Variants in CEP112 observed in about 807,000 individuals in gnomAD.
CEP112 encodes centrosomal protein 112, also known as centrosomal protein of 112 kDa.
In CEP112, 127 loss-of-function variants were observed where a neutral mutation model predicts 153.0. That is an observed-to-expected ratio of 0.83 (90% confidence interval 0.72 to 0.96). The LOEUF is 0.96. CEP112 is among the 40% of genes least tolerant of loss of function. CEP112 has a pLI of 0.00. For missense variants in CEP112, 1,089 were observed against 1,101.2 expected (o/e 0.99, Z 0.16); for synonymous variants, 358 against 374.4 (o/e 0.96, Z 0.51).
intron 21 of CEP112, among the ~76,000 whole-genome samples, chr17:65,835,325 A>G (rs181100487): frequency 6.6e-6 from 1 of 152,306 alleles, no homozygotes; most frequent in South Asian, 2.1e-4. Context: ...TCAAATCCCA[A>G]GAAAAATTAT....
chr17:65,963,447 T>C (rs1207407125), intron 17 of CEP112, among the ~76,000 whole-genome samples: 1 of 152,022 alleles, frequency 6.6e-6, no homozygotes, highest in Non-Finnish European at 1.5e-5. Flanking sequence ...ACACAAAAAT[T>C]TCTAGGCTTT....
At chr17:65,687,697 T>C (rs2047886397) in intron 24 of CEP112, among the ~76,000 whole-genome samples, 1 of 152,212 alleles carries the variant, frequency 6.6e-6, no homozygotes, top group Non-Finnish European at 1.5e-5. Flanking sequence ...CAGCATCTAT[T>C]AGGTGCTTAC....
intron 19 of CEP112, among the ~76,000 whole-genome samples, chr17:65,909,367 G>A (rs1329584408): frequency 1.3e-5 from 2 of 152,186 alleles, no homozygotes; most frequent in South Asian, 2.1e-4. Context: ...GGGAGTCACA[G>A]TTAGATGCCC....
At chr17:66,164,143 T>A (rs1380233071) in intron 4 of CEP112, among the ~76,000 whole-genome samples, 1 of 152,354 alleles carries the variant, frequency 6.6e-6, no homozygotes, top group East Asian at 1.9e-4. Context: ...GTGTGAAATG[T>A]TGTATTTTAT....
At chr17:66,029,316 T>TAA in intron 13 of CEP112, 64 bp from the exon 14 acceptor site, 1 of 1,034,518 alleles carries the variant, frequency 9.7e-7, no homozygotes, top group Non-Finnish European at 1.4e-6. Context: ...AATGAAATTT[T>TAA]TTAATCAGCT....
intron 24 of CEP112, among the ~76,000 whole-genome samples, chr17:65,670,767 T>C (rs2046942324): frequency 6.6e-6 from 1 of 152,206 alleles, no homozygotes. Context: ...ACTAAGTAGA[T>C]ACTACTTCAG....
At chr17:65,880,823 T>C (rs567879815) in intron 20 of CEP112, among the ~76,000 whole-genome samples, 1 of 152,358 alleles carries the variant, frequency 6.6e-6, no homozygotes, top group East Asian at 1.9e-4. Context: ...ATAAAATCTT[T>C]TGATTGTTCA....
At chr17:65,646,244 C>T (rs2045426693) in intron 24 of CEP112, among the ~76,000 whole-genome samples, 1 of 152,190 alleles carries the variant, frequency 6.6e-6, no homozygotes, top group East Asian at 1.9e-4. Context: ...AAGATTCGTG[C>T]ATTTATACTT....
chr17:65,979,489 C>A (rs2063154063), intron 17 of CEP112, among the ~76,000 whole-genome samples: 1 of 152,158 alleles, frequency 6.6e-6, no homozygotes, highest in Non-Finnish European at 1.5e-5. Context: ...ATCCTCCCAT[C>A]TCAGCTTCCC....
rs554292872 is a variant in CEP112 at position 65,703,813 on chromosome 17, AC to A, written c.2608-14596del. Reference sequence around the variant, plus strand: ...TCTTTAATCTAACAAATTAAAATGTACAAAAAAAAAAACCCAGAAAAACAAG... The same window carrying A: ...TCTTTAATCTAACAAATTAAAATGTAAAAAAAAAAAACCCAGAAAAACAAG... On this transcript the variant is annotated intron_variant, in intron 23 of 26. Transcript: ENST00000535342. 1.4e-3 allele frequency among the ~76,000 whole-genome samples: 110 copies of A among 81,182 alleles called. No homozygotes were observed. The African/African-American group carries it at 0.014, about 10-fold the overall frequency. 53.3% of individuals were successfully genotyped at this position (81,182 alleles called of 152,430 possible). A position where few individuals can be genotyped will look rare whatever the true frequency, so the allele number is the denominator to read the frequency against.
chr17:65,983,030 A>G (rs933022424), intron 17 of CEP112, among the ~76,000 whole-genome samples: 3 of 152,202 alleles, frequency 2.0e-5, no homozygotes, highest in Admixed American at 2.0e-4. Context: ...CTAGAGACAG[A>G]AAGCAGAATG....
chr17:66,182,363 A>G (rs1399195559), intron 2 of CEP112: 1 of 152,330 alleles, frequency 6.6e-6, no homozygotes, highest in Non-Finnish European at 1.5e-5. Context: ...TGTTTCAGGC[A>G]GCCTCTGGGG....
chr17:65,857,578 A>G (rs999883031), intron 20 of CEP112, among the ~76,000 whole-genome samples: 2 of 152,194 alleles, frequency 1.3e-5, no homozygotes, highest in Admixed American at 1.3e-4. Flanking sequence ...AGTAAATTAT[A>G]TTATAGGTTA....
At chr17:65,907,114 T>C (rs972790804) in intron 19 of CEP112, among the ~76,000 whole-genome samples, 1 of 152,170 alleles carries the variant, frequency 6.6e-6, no homozygotes, top group Non-Finnish European at 1.5e-5. Context: ...GGCAAAAGAA[T>C]TGCAGAATTT....
Position 66,087,665 on chromosome 17 carries a change from G to A in CEP112, c.768+8586C>T, listed in dbSNP as rs192412950. 3.5e-3 allele frequency among the ~76,000 whole-genome samples: 532 copies of A among 152,236 alleles called. 2 individuals are homozygous for A. The highest frequency in any genetic ancestry group is 0.012 in the African/African-American group (498 of 41,544). On this transcript the variant is annotated intron_variant, in intron 8 of 26. Coordinates refer to ENST00000535342, the MANE Select transcript of CEP112 (RefSeq NM_001199165.4). ...CATGCACAAAAATACCTTCATAAGA[G>A]CTAAGTAAACAAGGTGAAATATTAC...
In CEP112 at chr17:66,070,057, TAC is replaced by T. The variant is rs1231862344; in HGVS notation, c.769-58_769-57del. The T allele has an allele frequency of 3.1e-6, 3 of 964,582 alleles. No homozygotes were observed. The African/African-American group carries it at 4.9e-5, about 16-fold the overall frequency. 59.8% of individuals were successfully genotyped at this position (964,582 alleles called of 1,614,324 possible). A position where few individuals can be genotyped will look rare whatever the true frequency, so the allele number is the denominator to read the frequency against. The stretch of plus-strand genomic sequence containing the variant: ...AATTTACTTTCCCTTTGGCAAAAAA[TAC>T]ACAATTAAACTAAAATAATTCCCTA... On this transcript the variant is annotated intron_variant, in intron 8 of 26. Coordinates refer to ENST00000535342, the MANE Select transcript of CEP112 (RefSeq NM_001199165.4).
At position 66,062,998 on chromosome 17, in the gene CEP112, T is replaced by C. The variant is rs1440970994; in HGVS notation, c.1039A>G (p.Ser347Gly). 1 of 1,598,686 alleles carries C rather than the reference T, an allele frequency of 6.3e-7. No individual in the cohort carries two copies. Among genetic ancestry groups the C allele is most frequent in the Non-Finnish European group, 8.5e-7 (1 of 1,172,160 alleles). Reference sequence around the variant, plus strand: ...CAGTCATTATTTAGAGATTCCGTACTTTGTTCACATATCTTTTTCAGCTCT... The same window carrying C: ...CAGTCATTATTTAGAGATTCCGTACCTTGTTCACATATCTTTTTCAGCTCT... ...IAELKKICEQ[S>G]TESLNNDWEK... Residue 347 changes from serine (S) to glycine (G), a missense_variant, in exon 11 of 27, where the codon AGT (serine) becomes GGT (glycine). Ser to Gly is a moderately conservative substitution (Grantham distance 56). Transcript: ENST00000535342.
At chr17:66,014,284 C>A (rs67847886) in intron 16 of CEP112, among the ~76,000 whole-genome samples, 1 of 151,956 alleles carries the variant, frequency 6.6e-6, no homozygotes, top group Non-Finnish European at 1.5e-5. Flanking sequence ...TCTGCCAGCA[C>A]AGGAGCTATG....
chr17:65,644,757 G>T (rs2045344161), intron 24 of CEP112: 1 of 153,634 alleles, frequency 6.5e-6, no homozygotes, highest in African/African-American at 2.4e-5. Context: ...TGAACACAAA[G>T]ATCAAGTTAG....
Sources: allele counts gnomAD v4.1 joint callset (sites outside exome capture counted in the v4.1 genomes callset), GRCh38; gene constraint gnomAD v4.1.1; transcripts MANE v1.5; gene names NCBI Gene and HGNC (gene_info 2026-07-23, HGNC 2026-07-21).